Variants in YIPF4 observed in about 807,000 individuals in gnomAD.
YIPF4 encodes Yip1 domain family member 4, also known as protein YIPF4.
Under a neutral mutation model 29.4 loss-of-function variants are expected in YIPF4, and 18 were observed. The observed-to-expected ratio is 0.61, with a 90% confidence interval of 0.42 to 0.91. The LOEUF (loss-of-function observed/expected upper bound fraction) is 0.91. Ranked by LOEUF, YIPF4 falls within the 40% of genes least tolerant of loss-of-function variation. The probability of loss-of-function intolerance (pLI) is 0.00; values close to 1 mark genes in which losing one functional copy is unlikely to be tolerated. For synonymous variants in YIPF4, 115 were observed against 104.7 expected, an observed-to-expected ratio of 1.10 and a Z score of -0.60; for missense variants, 279 against 282.7, an observed-to-expected ratio of 0.99 and a Z score of 0.09.
At chr2:32,283,080 A>G (rs2030504006) in intron 1 of YIPF4, among the ~76,000 whole-genome samples, 1 of 151,974 alleles carries the variant, frequency 6.6e-6, no homozygotes, top group Non-Finnish European at 1.5e-5. Context: ...GTCTCAAAAA[A>G]AAAAAAAAAA....
intron 3 of YIPF4, 65 bp downstream of exon 3, chr2:32,292,413 A>T: frequency 1.7e-6 from 2 of 1,198,756 alleles, no homozygotes; most frequent in African/African-American, 3.1e-5. Context: ...AAATATAATA[A>T]GATATTAACT....
intron 1 of YIPF4, among the ~76,000 whole-genome samples, chr2:32,285,144 C>T (rs1645177728): frequency 6.6e-6 from 1 of 151,994 alleles, no homozygotes; most frequent in African/African-American, 2.4e-5. Context: ...AGTGGACAGA[C>T]ATTTAAAAAT....
intron 1 of YIPF4, among the ~76,000 whole-genome samples, chr2:32,282,826 C>G (rs2030488690): frequency 1.3e-5 from 2 of 151,752 alleles, no homozygotes; most frequent in African/African-American, 4.8e-5. Context: ...CCTGTAATCC[C>G]AGAACTTTGG....
chr2:32,307,044 G>A lies in YIPF4; in HGVS notation c.*1418G>A. 1 of 1,101,818 alleles carries A rather than the reference G, an allele frequency of 9.1e-7. No homozygotes were observed. 68.3% of individuals were successfully genotyped at this position (1,101,818 alleles called of 1,614,324 possible). On this transcript the variant is annotated 3_prime_UTR_variant, in exon 6 of 6. Coordinates refer to ENST00000238831, the MANE Select transcript of YIPF4 (RefSeq NM_032312.4). ...TTATTTTAAGCTGCAGAAAAAGTGT[G>A]GAGCACTTTTGAGCTAGAATAATGT... is the stretch of plus-strand genomic sequence containing the variant.
chr2:32,297,849 T>A (rs948279481), intron 3 of YIPF4, among the ~76,000 whole-genome samples: 4 of 152,146 alleles, frequency 2.6e-5, no homozygotes, highest in African/African-American at 4.8e-5. Context: ...ATTCCATTAC[T>A]TGAATAAATA....
chr2:32,291,983 C>G (rs2030938036), intron 2 of YIPF4, among the ~76,000 whole-genome samples, 194 bp from the exon 3 acceptor site: 2 of 152,150 alleles, frequency 1.3e-5, no homozygotes, highest in Non-Finnish European at 2.9e-5. Context: ...AGAGATATGT[C>G]CCACATTTAG....
At chr2:32,301,877 T>G (rs1573542148) in intron 5 of YIPF4, among the ~76,000 whole-genome samples, 1 of 152,136 alleles carries the variant, frequency 6.6e-6, no homozygotes, top group East Asian at 1.9e-4. Context: ...GGCTAATTTT[T>G]TGTTTTTAGT....
chr2:32,283,085 A>G (rs2030504354), intron 1 of YIPF4, among the ~76,000 whole-genome samples: 1 of 152,048 alleles, frequency 6.6e-6, no homozygotes, highest in East Asian at 1.9e-4. Flanking sequence ...AAAAAAAAAA[A>G]AAAAAAAGGA....
intron 5 of YIPF4, 99 bp downstream of exon 5, chr2:32,301,594 A>G: frequency 1.3e-6 from 1 of 750,988 alleles, no homozygotes; most frequent in Non-Finnish European, 2.1e-6. Context: ...ACTCTTTATC[A>G]AACAGTTGGT....
chr2:32,302,932 A>C (rs539985534), intron 5 of YIPF4, among the ~76,000 whole-genome samples: 1 of 152,292 alleles, frequency 6.6e-6, no homozygotes, highest in South Asian at 2.1e-4. Flanking sequence ...TTTTGGAACT[A>C]ATCAGTTCTA....
At position 32,311,792 on chromosome 2, in the gene YIPF4, C is replaced by T. The variant is rs1228588001; in HGVS notation, c.*6166C>T. 1 of 152,062 alleles carries T rather than the reference C, an allele frequency of 6.6e-6. No homozygotes were observed. Among genetic ancestry groups the T allele is most frequent in the Non-Finnish European group, 1.5e-5 (1 of 68,018 alleles). The allele number at this position is 152,062 out of a possible 1,614,324, so 9.4% of individuals were successfully genotyped here. On this transcript the variant is annotated 3_prime_UTR_variant, in exon 6 of 6. Transcript: ENST00000238831. ...ATTAAAAACCAAACAGAAGTATTTA[C>T]ACAAGAACAAGTGAAATTACACAAA...
intron 1 of YIPF4, 57 bp from the exon 2 acceptor site, chr2:32,290,426 G>T (rs930604694): frequency 1.6e-5 from 20 of 1,284,902 alleles, no homozygotes; most frequent in Admixed American, 8.7e-5. Context: ...GCTCACTTTG[G>T]TTAAGATTCA....
chr2:32,305,625 G>A lies in YIPF4; in HGVS notation c.734G>A (p.Ter245=). The change falls in exon 6 of 6, where the codon TGA becomes TAA. Residue 245 remains the stop codon, a stop_retained_variant. Coordinates refer to ENST00000238831, the MANE Select transcript of YIPF4 (RefSeq NM_032312.4). ...IYFLSLYTGV[*] is the part of the protein sequence containing the mutation. Reference sequence around the variant, plus strand: ...TTTTTGTCGTTATATACTGGTGTGTGATCCAAGTTATACATGAATAGAAAA... The same window carrying A: ...TTTTTGTCGTTATATACTGGTGTGTAATCCAAGTTATACATGAATAGAAAA... 6.3e-7 allele frequency: 1 copy of A among 1,580,892 alleles called. No individual in the cohort carries two copies. The highest frequency in any genetic ancestry group is 2.3e-5 in the East Asian group (1 of 43,806).
Position 32,312,540 on chromosome 2 carries a change from T to A in YIPF4, c.*6914T>A, listed in dbSNP as rs1312918472. The A allele has an allele frequency of 2.1e-5, 3 of 142,558 alleles. No homozygotes were observed. The highest frequency in any genetic ancestry group is 3.0e-5 in the Non-Finnish European group (2 of 65,740). The allele number at this position is 142,558 out of a possible 1,614,324, so 8.8% of individuals were successfully genotyped here. A position where few individuals can be genotyped will look rare whatever the true frequency, so the allele number is the denominator to read the frequency against. ...AAAAATTATTTTCAAAGGATTGTGC[T>A]AGTGGTGGCCTGAATAATAAAACAT... On this transcript the variant is annotated 3_prime_UTR_variant, in exon 6 of 6. Transcript: ENST00000238831.
chr2:32,305,469 C>G lies in YIPF4; in HGVS notation c.598-20C>G. The G allele has an allele frequency of 6.7e-7, 1 of 1,484,074 alleles. No individual in the cohort carries two copies. Among genetic ancestry groups the G allele is most frequent in the Non-Finnish European group, 8.9e-7 (1 of 1,118,416 alleles). The allele number at this position is 1,484,074 out of a possible 1,614,324, so 91.9% of individuals were successfully genotyped here. On this transcript the variant is annotated intron_variant, in intron 5 of 5. Coordinates refer to ENST00000238831, the MANE Select transcript of YIPF4 (RefSeq NM_032312.4). ...GACTTGCTAATATGCTGCCTTTTGT[C>G]TTTTTTCCTTTTTTTAAAGCTGTTT...
intron 1 of YIPF4, among the ~76,000 whole-genome samples, chr2:32,289,528 C>T (rs1038026585): frequency 2.6e-5 from 4 of 152,094 alleles, no homozygotes; most frequent in Non-Finnish European, 5.9e-5. Context: ...TGAAATAATA[C>T]TATAATCATG....
Position 32,298,278 on chromosome 2 carries a change from A to T in YIPF4, c.450A>T (p.Thr150=). The T allele has an allele frequency of 1.9e-6, 3 of 1,609,942 alleles. No homozygotes were observed. The highest frequency in any genetic ancestry group is 2.5e-6 in the Non-Finnish European group (3 of 1,177,842). Residue 150 remains threonine (T), a synonymous_variant, in exon 4 of 6, where the codon ACA becomes ACT. Transcript: ENST00000238831. ...IITIWIFGSL[T]IFLLARVLGG... is the part of the protein sequence containing the mutation. ...CCATTTGGATATTTGGTTCACTAAC[A>T]ATTTTCTTACTGGCCAGAGTTCTTG...
intron 4 of YIPF4, among the ~76,000 whole-genome samples, chr2:32,299,917 G>GT (rs1314223201): frequency 6.6e-6 from 1 of 152,066 alleles, no homozygotes; most frequent in African/African-American, 2.4e-5. Context: ...CCCAGGAGTA[G>GT]TTTTTTTGTT....
chr2:32,279,645 G>A (rs1361305554), intron 1 of YIPF4, among the ~76,000 whole-genome samples: 2 of 149,508 alleles, frequency 1.3e-5, no homozygotes, highest in East Asian at 4.0e-4. Flanking sequence ...TCCTGACCTC[G>A]TGATCCGTCC....
Sources: gnomAD v4.1 joint callset for allele counts (sites outside exome capture counted in the v4.1 genomes callset) on GRCh38, gnomAD v4.1.1 for gene constraint, MANE v1.5 for transcripts, NCBI Gene and HGNC (gene_info 2026-07-23, HGNC 2026-07-21) for gene names.